The following JAM3 variants were observed in gnomAD, a reference collection of about 807,000 sequenced individuals.
The protein encoded by JAM3 is junctional adhesion molecule C.
In JAM3, 31 loss-of-function variants were observed where a neutral mutation model predicts 39.4. The ratio of observed to expected loss-of-function variants is 0.79; its 90% CI spans 0.59 to 1.06. JAM3 has a LOEUF of 1.06. JAM3 is among the 50% of genes least tolerant of loss of function. The pLI, the probability that JAM3 is intolerant of heterozygous loss-of-function variation, is 0.00. For missense variants in JAM3, 455 were observed against 391.4 expected (o/e 1.16, Z -1.37); for synonymous variants, 182 against 148.7 (o/e 1.22, Z -1.63).
At chr11:134,075,627 A>G (rs974794674) in intron 1 of JAM3, among the ~76,000 whole-genome samples, 3 of 152,072 alleles carry the variant, frequency 2.0e-5, no homozygotes, top group African/African-American at 7.2e-5. Flanking sequence ...AGGTCTTACT[A>G]TGTTCCCCAG....
intron 1 of JAM3, among the ~76,000 whole-genome samples, chr11:134,121,020 C>G (rs1037734550): frequency 1.3e-5 from 2 of 152,090 alleles, no homozygotes; most frequent in Non-Finnish European, 2.9e-5. Flanking sequence ...ACCGCAGATG[C>G]TGGGTCTGGC....
chr11:134,075,052 T>C (rs1941543892), intron 1 of JAM3, among the ~76,000 whole-genome samples: 1 of 147,584 alleles, frequency 6.8e-6, no homozygotes, highest in Admixed American at 7.1e-5. Context: ...TCTGTCAGGG[T>C]ACTGAAACTT....
At chr11:134,081,090 G>A (rs981811712) in intron 1 of JAM3, among the ~76,000 whole-genome samples, 1 of 152,142 alleles carries the variant, frequency 6.6e-6, no homozygotes, top group Non-Finnish European at 1.5e-5. Context: ...GGTATCTAGC[G>A]GAAGAAATTT....
chr11:134,095,412 A>G (rs1420922336), intron 1 of JAM3, among the ~76,000 whole-genome samples: 1 of 152,266 alleles, frequency 6.6e-6, no homozygotes, highest in South Asian at 2.1e-4. Flanking sequence ...CAGGCAGATC[A>G]CGAGGTCAGG....
intron 1 of JAM3, among the ~76,000 whole-genome samples, chr11:134,092,163 G>A (rs1941873171): frequency 1.3e-5 from 2 of 152,144 alleles, no homozygotes; most frequent in African/African-American, 2.4e-5. Flanking sequence ...CTCTTGCTCA[G>A]TGTAGTTCTG....
intron 1 of JAM3, among the ~76,000 whole-genome samples, chr11:134,094,133 C>G (rs545617233): frequency 6.8e-6 from 1 of 146,292 alleles, no homozygotes; most frequent in Non-Finnish European, 1.5e-5. Flanking sequence ...CCTTATTCAT[C>G]ATGTTCCACC....
intron 3 of JAM3, among the ~76,000 whole-genome samples, chr11:134,143,931 T>C (rs1302245599): frequency 6.6e-6 from 1 of 152,244 alleles, no homozygotes; most frequent in Non-Finnish European, 1.5e-5. Context: ...GTGGTGTTTT[T>C]TTCTATTCAT....
At chr11:134,086,567 C>T (rs1294498272) in intron 1 of JAM3, among the ~76,000 whole-genome samples, 7 of 152,064 alleles carry the variant, frequency 4.6e-5, no homozygotes, top group Admixed American at 4.6e-4. Flanking sequence ...AACTAGGAAA[C>T]TTTGAATAAT....
rs145209352 is a variant in JAM3, at chr11:134,110,128, A to T, written c.77-29723A>T. ...AAACCACAGTAAGATACCACTGTGC[A>T]TCTATCAGAATGACAAAAACTAAAA... is the stretch of plus-strand genomic sequence containing the variant. On this transcript the variant is annotated intron_variant, in intron 1 of 8. Transcript: ENST00000299106. Among the ~76,000 whole-genome samples, 969 of 152,362 alleles carry T rather than the reference A, an allele frequency of 6.4e-3. 2 individuals are homozygous for T. The highest frequency in any genetic ancestry group is 8.6e-3 in the Non-Finnish European group (583 of 68,038).
chr11:134,135,397 G>T (rs951660107), intron 1 of JAM3, among the ~76,000 whole-genome samples: 1 of 152,038 alleles, frequency 6.6e-6, no homozygotes. Flanking sequence ...TGCTGTGGGG[G>T]GACCCCACAC....
At chr11:134,070,334 A>G (rs1158906270) in intron 1 of JAM3, 11 of 412,026 alleles carry the variant, frequency 2.7e-5, no homozygotes, top group Non-Finnish European at 5.3e-5. Context: ...TTGAATTGCC[A>G]CTGTCATCCC....
intron 1 of JAM3, among the ~76,000 whole-genome samples, chr11:134,095,045 G>T (rs1169438877): frequency 6.6e-6 from 1 of 152,148 alleles, no homozygotes; most frequent in African/African-American, 2.4e-5. Flanking sequence ...TGTAATATTG[G>T]GTTCTTTTCT....
chr11:134,108,439 G>A (rs962892879), intron 1 of JAM3, among the ~76,000 whole-genome samples: 1 of 152,098 alleles, frequency 6.6e-6, no homozygotes, highest in African/African-American at 2.4e-5. Flanking sequence ...ATTCTATGAG[G>A]CCAGAATTAC....
At chr11:134,147,312 G>C (rs1943091412) in intron 6 of JAM3, among the ~76,000 whole-genome samples, 1 of 151,454 alleles carries the variant, frequency 6.6e-6, no homozygotes, top group African/African-American at 2.4e-5. Context: ...AAATTAGCCT[G>C]GTGTGGTGGC....
At chr11:134,121,069 G>A (rs1202530474) in intron 1 of JAM3, among the ~76,000 whole-genome samples, 1 of 152,144 alleles carries the variant, frequency 6.6e-6, no homozygotes, top group Non-Finnish European at 1.5e-5. Flanking sequence ...ATCCCAAATG[G>A]GGCTGTGCAT....
chr11:134,146,555 T>G (rs546620251), intron 6 of JAM3, among the ~76,000 whole-genome samples: 35 of 151,898 alleles, frequency 2.3e-4, no homozygotes, highest in African/African-American at 7.2e-4. Context: ...GGGGAGCTTT[T>G]TTTTTTCTTA....
intron 3 of JAM3, among the ~76,000 whole-genome samples, chr11:134,141,176 T>G (rs1276289445): frequency 6.6e-6 from 1 of 152,142 alleles, no homozygotes; most frequent in Middle Eastern, 3.2e-3. Flanking sequence ...ACTGTGTTTC[T>G]GGCTTGGTGC....
intron 1 of JAM3, among the ~76,000 whole-genome samples, chr11:134,110,436 A>T (rs1327792241): frequency 3.7e-4 from 57 of 152,372 alleles, no homozygotes; most frequent in Non-Finnish European, 5.9e-5. Context: ...TGGTATTTCC[A>T]TAAATGGAAT....
At chr11:134,134,398 CAAA>C (rs34729848) in intron 1 of JAM3, among the ~76,000 whole-genome samples, 1,534 of 31,966 alleles carry the variant, frequency 0.048, 18 homozygotes, top group African/African-American at 0.14. Flanking sequence ...GGATAAATGC[CAAA>C]AAAAAAAAAA....
Sources: allele counts gnomAD v4.1 joint callset (sites outside exome capture counted in the v4.1 genomes callset), GRCh38; gene constraint gnomAD v4.1.1; transcripts MANE v1.5; gene names NCBI Gene and HGNC (gene_info 2026-07-23, HGNC 2026-07-21).